CCDC178: variants seen among roughly 807,000 people sequenced by gnomAD.
The protein encoded by CCDC178 is coiled-coil domain containing 178.
A neutral mutation model predicts 117.4 loss-of-function variants in CCDC178; 126 were observed. The observed-to-expected ratio is 1.07, with a 90% CI of 0.93 to 1.24. The LOEUF (loss-of-function observed/expected upper bound fraction) is 1.24, where lower values mean the gene tolerates loss of function less well. Among genes scored for constraint, CCDC178 ranks in the 50% most tolerant of loss-of-function variants. CCDC178 has a pLI of 0.00. For synonymous variants in CCDC178, 283 were observed against 313.4 expected (o/e 0.90, Z 1.02); for missense variants, 1,030 against 986.9 (o/e 1.04, Z -0.59).
intron 20 of CCDC178, among the ~76,000 whole-genome samples, chr18:33,192,888 C>A (rs1423874413): frequency 4.6e-5 from 6 of 131,482 alleles, no homozygotes; most frequent in Admixed American, 3.9e-4. Context: ...GTGACAAGAG[C>A]AAAACTCCGT....
chr18:33,201,178 A>G (rs2058986418), intron 20 of CCDC178, among the ~76,000 whole-genome samples: 1 of 152,208 alleles, frequency 6.6e-6, no homozygotes, highest in Non-Finnish European at 1.5e-5. Context: ...CAAATCCTGC[A>G]TCACACAACA....
chr18:33,092,850 G>C lies in CCDC178; in HGVS notation c.2299C>G (p.Gln767Glu). The C allele has an allele frequency of 6.3e-7, 1 of 1,585,148 alleles. No homozygotes were observed. Among genetic ancestry groups the C allele is most frequent in the Non-Finnish European group, 8.6e-7 (1 of 1,162,908 alleles). Reference protein sequence around the residue: ...LRLAQEYQQLQITFLKEKDNY... With the variant: ...LRLAQEYQQLEITFLKEKDNY... Reference sequence around the variant, plus strand: ...TCCTTTTCTTTTAAGAATGTAATCTGTAGCTGTTGATACTCTTGAGCTAAA... The same window carrying C: ...TCCTTTTCTTTTAAGAATGTAATCTCTAGCTGTTGATACTCTTGAGCTAAA... The change falls in exon 21 of 23, where the codon CAG becomes GAG. Residue 767 changes from glutamine (Q) to glutamate (E), a missense_variant. Gln to Glu is a conservative substitution (Grantham distance 29). Transcript: ENST00000383096.
chr18:32,964,241 G>A (rs529094458), intron 22 of CCDC178, among the ~76,000 whole-genome samples: 1 of 152,138 alleles, frequency 6.6e-6, no homozygotes, highest in African/African-American at 2.4e-5. Context: ...TTGGTTAAAT[G>A]TGGCTCATTA....
chr18:33,391,263 G>T, intron 4 of CCDC178, among the ~76,000 whole-genome samples: 1 of 150,994 alleles, frequency 6.6e-6, no homozygotes, highest in Non-Finnish European at 1.5e-5. Flanking sequence ...TGAAGTTACA[G>T]ATAATAATAA....
At chr18:32,998,274 T>C (rs1488139571) in intron 21 of CCDC178, among the ~76,000 whole-genome samples, 1 of 152,130 alleles carries the variant, frequency 6.6e-6, no homozygotes, top group Non-Finnish European at 1.5e-5. Flanking sequence ...GGAGGGAGCA[T>C]TTAGACCAGC....
In CCDC178 at chr18:33,245,424, G is replaced by C. The variant is rs146565345; in HGVS notation, c.1414C>G (p.Arg472Gly). 3.0e-5 allele frequency: 46 copies of C among 1,539,700 alleles called. 2 individuals are homozygous for C. In the South Asian group the frequency reaches 5.6e-4, roughly 19 times the overall value. Residue 472 changes from arginine (R) to glycine (G), a missense_variant, in exon 15 of 23, where the codon CGG becomes GGG. Coordinates refer to ENST00000383096, the MANE Select transcript of CCDC178 (RefSeq NM_001105528.4). ...KITVKTNESI[R>G]KKSKYESEIK... Reference sequence around the variant, plus strand: ...TCAGATTCGTATTTTGATTTTTTCCGTATGCTGTAAAAGTAAAGCAAAAAT... The same window carrying C: ...TCAGATTCGTATTTTGATTTTTTCCCTATGCTGTAAAAGTAAAGCAAAAAT...
intron 20 of CCDC178, among the ~76,000 whole-genome samples, chr18:33,154,488 T>C (rs967558809): frequency 1.3e-5 from 2 of 151,834 alleles, no homozygotes; most frequent in Non-Finnish European, 2.9e-5. Context: ...ATGGAAATAA[T>C]GAGTGAAAAA....
chr18:32,971,204 T>C lies in CCDC178; in HGVS notation c.2523+3343A>G, dbSNP rs374649672. Among the ~76,000 whole-genome samples the C allele has an allele frequency of 2.6e-5, 4 of 151,906 alleles. No homozygotes were observed. In the East Asian group the frequency reaches 7.8e-4, roughly 30 times the overall value. On this transcript the variant is annotated intron_variant, in intron 22 of 22. Coordinates refer to ENST00000383096, the MANE Select transcript of CCDC178 (RefSeq NM_001105528.4). ...CCACCCCACTACAGGCCCTGGTTTG[T>C]GTTGTTCCCCTCCCTGTGTCCATGT... is the stretch of plus-strand genomic sequence containing the variant.
At chr18:33,356,426 A>G (rs2144714184) in intron 6 of CCDC178, 80 bp from the exon 7 acceptor site, 10 of 1,279,416 alleles carry the variant, frequency 7.8e-6, no homozygotes, top group Middle Eastern at 2.1e-4. Flanking sequence ...AAACTTGTCA[A>G]TTCTCTACTT....
chr18:32,956,352 C>T (rs1291926192), intron 22 of CCDC178, among the ~76,000 whole-genome samples: 1 of 152,138 alleles, frequency 6.6e-6, no homozygotes, highest in Non-Finnish European at 1.5e-5. Context: ...TGTTTTCTCT[C>T]ACAATGCTTT....
chr18:33,294,287 T>A (rs573250623), intron 11 of CCDC178, among the ~76,000 whole-genome samples: 1 of 152,308 alleles, frequency 6.6e-6, no homozygotes, highest in East Asian at 1.9e-4. Flanking sequence ...AATTACCATT[T>A]TCATAAACTA....
At chr18:33,200,238 G>C (rs924326164) in intron 20 of CCDC178, among the ~76,000 whole-genome samples, 1 of 152,198 alleles carries the variant, frequency 6.6e-6, no homozygotes, top group Non-Finnish European at 1.5e-5. Flanking sequence ...GGGGTAATGG[G>C]ACAAGGTTCT....
intron 20 of CCDC178, among the ~76,000 whole-genome samples, chr18:33,153,110 T>C (rs1213338582): frequency 6.7e-6 from 1 of 148,674 alleles, no homozygotes; most frequent in Non-Finnish European, 1.5e-5. Flanking sequence ...TCATGCTACA[T>C]GCTTTAAATC....
intron 5 of CCDC178, among the ~76,000 whole-genome samples, chr18:33,386,256 T>C (rs761476065): frequency 6.6e-6 from 1 of 152,174 alleles, no homozygotes; most frequent in Non-Finnish European, 1.5e-5. Flanking sequence ...GATGGATTTA[T>C]AGCTGAATTC....
chr18:33,398,496 T>C (rs540717949), intron 3 of CCDC178, among the ~76,000 whole-genome samples: 50 of 152,192 alleles, frequency 3.3e-4, no homozygotes, highest in Non-Finnish European at 6.2e-4. Context: ...GCATTCATAA[T>C]GATTTTCCTA....
At chr18:33,011,784 A>T (rs1271457363) in intron 21 of CCDC178, among the ~76,000 whole-genome samples, 18 of 115,454 alleles carry the variant, frequency 1.6e-4, no homozygotes, top group African/African-American at 3.0e-4. Context: ...AAAAAAAAAA[A>T]AAAAAAAAAA....
chr18:33,437,966 T>C (rs922915684), intron 2 of CCDC178, among the ~76,000 whole-genome samples: 8 of 152,156 alleles, frequency 5.3e-5, no homozygotes, highest in African/African-American at 1.9e-4. Flanking sequence ...TGTGCAAATA[T>C]CAGTTTTCTA....
chr18:33,051,789 G>T (rs1199570786), intron 21 of CCDC178, among the ~76,000 whole-genome samples: 1 of 152,134 alleles, frequency 6.6e-6, no homozygotes, highest in Admixed American at 6.6e-5. Context: ...AACAGTCTTT[G>T]TTAAATTTAC....
chr18:33,069,883 T>A (rs2057079209), intron 21 of CCDC178, among the ~76,000 whole-genome samples: 1 of 151,954 alleles, frequency 6.6e-6, no homozygotes, highest in Non-Finnish European at 1.5e-5. Flanking sequence ...GAGACATTTC[T>A]CAAAAGGAGA....
Sources: allele counts gnomAD v4.1 joint callset (sites outside exome capture counted in the v4.1 genomes callset), GRCh38; gene constraint gnomAD v4.1.1; transcripts MANE v1.5; gene names NCBI Gene and HGNC (gene_info 2026-07-23, HGNC 2026-07-21).